The following ANAPC5 variants were observed in gnomAD, a reference collection of about 807,000 sequenced individuals.
ANAPC5 encodes the protein anaphase promoting complex subunit 5, also known as anaphase-promoting complex subunit 5.
ANAPC5 carries 60 observed loss-of-function variants against 91.3 expected under a neutral mutation model. That is an observed-to-expected ratio of 0.66 (90% CI 0.53 to 0.81). The LOEUF (loss-of-function observed/expected upper bound fraction) is 0.81, where lower values mean the gene tolerates loss of function less well. Among genes scored for constraint, ANAPC5 ranks in the 40% least tolerant of loss-of-function variants. The pLI is 0.00. For missense variants in ANAPC5, 690 were observed against 931.5 expected (o/e 0.74, Z 3.37); for synonymous variants, 340 against 364.1 (o/e 0.93, Z 0.75).
In ANAPC5 at chr12:121,330,641, G is replaced by A; in HGVS notation, c.1064C>T (p.Ser355Phe). Residue 355 changes from serine to phenylalanine, a missense_variant, in exon 9 of 17, where the codon TCC becomes TTC. Physicochemically the swap from Ser to Phe is radical, Grantham distance 155. Coordinates refer to ENST00000261819, the MANE Select transcript of ANAPC5 (RefSeq NM_016237.5). ...SWLYVLGQKRSDSYVLLEHSV... is the reference protein window; with the variant it reads ...SWLYVLGQKRFDSYVLLEHSV... ...ATGCTCCAGCAGAACATAGCTATCGGATCTCTTCTGCCCCAGCACATAAAG... is the reference window on the plus strand; with the variant it reads ...ATGCTCCAGCAGAACATAGCTATCGAATCTCTTCTGCCCCAGCACATAAAG... 6.2e-7 allele frequency: 1 copy of A among 1,614,098 alleles called. No homozygotes were observed.
intron 8 of ANAPC5, 108 bp downstream of exon 8, chr12:121,331,239 G>T: frequency 3.5e-6 from 3 of 859,318 alleles, no homozygotes; most frequent in Non-Finnish European, 3.6e-6. Flanking sequence ...GTTTCCTTTT[G>T]CTGCTGAAGA....
At position 121,341,551 on chromosome 12, in the gene ANAPC5, T is replaced by C. The variant is rs1296982310; in HGVS notation, c.657+452A>G. 4.6e-5 allele frequency among the ~76,000 whole-genome samples: 7 copies of C among 152,254 alleles called. No individual in the cohort carries two copies. In the East Asian group the frequency reaches 1.3e-3, roughly 29 times the overall value. On this transcript the variant is annotated intron_variant, in intron 5 of 16. Coordinates refer to ENST00000261819, the MANE Select transcript of ANAPC5 (RefSeq NM_016237.5). ...GTATTAATATCTGCAACTGGAAATA[T>C]ATATCAAAAAATAAGATGAAATGGT... is the stretch of plus-strand genomic sequence containing the variant.
chr12:121,336,443 C>T (rs4980985), intron 6 of ANAPC5, among the ~76,000 whole-genome samples: 127,490 of 152,002 alleles, frequency 0.84, 56,143 homozygotes, highest in East Asian at 0.99. Flanking sequence ...TTTGGGAGGC[C>T]GAGGAGGGTG....
chr12:121,331,255 G>C, intron 8 of ANAPC5, 92 bp downstream of exon 8: 2 of 1,083,954 alleles, frequency 1.8e-6, no homozygotes, highest in Non-Finnish European at 2.7e-6. Context: ...GAAGATCTCT[G>C]CTCCAACTGC....
At position 121,352,243 on chromosome 12, in the gene ANAPC5, T is replaced by G; in HGVS notation, c.98A>C (p.Tyr33Ser). 1 of 1,614,162 alleles carries G rather than the reference T, an allele frequency of 6.2e-7. No homozygotes were observed. Among genetic ancestry groups the G allele is most frequent in the Non-Finnish European group, 8.5e-7 (1 of 1,180,010 alleles). ...VFGIKDWVTP[Y>S]KIAVLVLLNE... ...CAGCAGCACCAGCACCGCGATCTTG[T>G]ACGGCGTCACCCAGTCCTTGATGCC... The change falls in exon 1 of 17, where the codon TAC becomes TCC. Residue 33 changes from tyrosine to serine, a missense_variant. Tyr to Ser is a moderately radical substitution (Grantham distance 144). This residue lies in a region of ANAPC5 where 238 missense variants were observed against 264.9 expected (regional missense o/e 0.90). Coordinates refer to ENST00000261819, the MANE Select transcript of ANAPC5 (RefSeq NM_016237.5).
chr12:121,352,651 G>T (rs1555275601), upstream of ANAPC5, among the ~76,000 whole-genome samples: 2 of 134,052 alleles, frequency 1.5e-5, no homozygotes, highest in Non-Finnish European at 3.3e-5. Flanking sequence ...GGAAGTCGAT[G>T]CTTGGGGTCG....
intron 8 of ANAPC5, 31 bp from the exon 9 acceptor site, chr12:121,330,703 A>T: frequency 2.5e-6 from 4 of 1,573,468 alleles, no homozygotes; most frequent in Non-Finnish European, 2.6e-6. Flanking sequence ...AATATATCAT[A>T]ACAGTGGCAA....
At chr12:121,315,635 T>A (rs561896279) in intron 15 of ANAPC5, among the ~76,000 whole-genome samples, 2 of 152,288 alleles carry the variant, frequency 1.3e-5, no homozygotes, top group East Asian at 3.9e-4. Context: ...ATATCTACGA[T>A]CAGTTGTTTT....
At chr12:121,318,129 T>C (rs1902444091) in intron 15 of ANAPC5, 148 bp downstream of exon 15, 4 of 987,484 alleles carry the variant, frequency 4.1e-6, no homozygotes, top group Non-Finnish European at 4.1e-6. Context: ...ACAGGCCTCC[T>C]TGGAGGGCTT....
rs1011893698 is a variant in ANAPC5, at chr12:121,328,305, G to A, written c.1304+11C>T. On this transcript the variant is annotated intron_variant, in intron 10 of 16. Coordinates refer to ENST00000261819, the MANE Select transcript of ANAPC5 (RefSeq NM_016237.5). ...AAAGAATTCACACCCCCAGGGCCTT[G>A]GGAGACCTACCTGCGGCCATACAGC... 6.2e-7 allele frequency: 1 copy of A among 1,613,018 alleles called. No individual in the cohort carries two copies. The highest frequency in any genetic ancestry group is 8.5e-7 in the Non-Finnish European group (1 of 1,179,778).
chr12:121,312,843 G>A (rs1434296672), intron 15 of ANAPC5, among the ~76,000 whole-genome samples: 1 of 151,364 alleles, frequency 6.6e-6, no homozygotes, highest in Admixed American at 6.6e-5. Flanking sequence ...CTGTGCCACT[G>A]CACTCCAACC....
At chr12:121,318,123 GCCT>G in intron 15 of ANAPC5, 151 bp downstream of exon 15, 6 of 874,794 alleles carry the variant, frequency 6.9e-6, no homozygotes, top group Non-Finnish European at 9.4e-6. Flanking sequence ...ACCTCCACAG[GCCT>G]CCTTGGAGGG....
In ANAPC5 at chr12:121,341,929, CAACACACATCACAG is replaced by C; in HGVS notation, c.657+60_657+73del. On this transcript the variant is annotated intron_variant, in intron 5 of 16. Transcript: ENST00000261819. Reference sequence around the variant, plus strand: ...CTATGCACATAACGGGCCTATGCCACAACACACATCACAGGACTAGACACATCACAGGACTAGAA... The same window carrying C: ...CTATGCACATAACGGGCCTATGCCACGACTAGACACATCACAGGACTAGAA... 3.3e-6 allele frequency: 4 copies of C among 1,220,754 alleles called. No homozygotes were observed. The South Asian group carries it at 4.0e-5, about 12-fold the overall frequency. 75.6% of individuals were successfully genotyped at this position (1,220,754 alleles called of 1,614,324 possible).
intron 13 of ANAPC5, among the ~76,000 whole-genome samples, chr12:121,319,110 CACAA>C (rs201961617): frequency 0.1 from 12,967 of 127,444 alleles, 661 homozygotes; most frequent in African/African-American, 0.2. Flanking sequence ...GCTGTGTATA[CACAA>C]ACACACACAC....
intron 15 of ANAPC5, among the ~76,000 whole-genome samples, chr12:121,311,740 G>T (rs1902174131): frequency 6.6e-6 from 1 of 152,114 alleles, no homozygotes; most frequent in African/African-American, 2.4e-5. Context: ...AAGTGAGGTG[G>T]GAGGATCACT....
chr12:121,330,813 C>T (rs1903014759), intron 8 of ANAPC5, 141 bp from the exon 9 acceptor site: 1 of 635,154 alleles, frequency 1.6e-6, no homozygotes, highest in Non-Finnish European at 2.7e-6. Context: ...TATCAAGAAT[C>T]TCAATGAGAC....
intron 11 of ANAPC5, among the ~76,000 whole-genome samples, chr12:121,322,557 A>T (rs1902659206): frequency 1.3e-5 from 2 of 152,378 alleles, no homozygotes; most frequent in South Asian, 2.1e-4. Context: ...GTCAATAAAT[A>T]CAAATTTATA....
At chr12:121,331,177 A>G in intron 8 of ANAPC5, 170 bp downstream of exon 8, 1 of 545,254 alleles carries the variant, frequency 1.8e-6, no homozygotes, top group Non-Finnish European at 3.3e-6. Flanking sequence ...TGAATTAAGA[A>G]AGGTAAGTAA....
intron 13 of ANAPC5, 22 bp from the exon 14 acceptor site, chr12:121,318,630 C>T (rs1902465853): frequency 7.5e-6 from 12 of 1,592,140 alleles, no homozygotes; most frequent in Non-Finnish European, 1.0e-5. Context: ...TCAAAATGAA[C>T]ACAAGTGTTT....
Sources: allele counts gnomAD v4.1 joint callset (sites outside exome capture counted in the v4.1 genomes callset), GRCh38; gene constraint gnomAD v4.1.1; regional missense constraint gnomAD v4.1.1; transcripts MANE v1.5; gene names NCBI Gene and HGNC (gene_info 2026-07-23, HGNC 2026-07-21).